MAF: variants seen among roughly 807,000 people sequenced by gnomAD.
MAF encodes the protein MAF bZIP transcription factor, also known as transcription factor Maf.
A neutral mutation model predicts 22.0 loss-of-function variants in MAF; 10 were observed. The ratio of observed to expected loss-of-function variants is 0.45; its 90% CI spans 0.28 to 0.77. The LOEUF is 0.77. MAF is among the 30% of genes least tolerant of loss of function. The pLI is 0.12. For synonymous variants in MAF, 337 were observed against 255.8 expected, an observed-to-expected ratio of 1.32 and a Z score of -3.03; for missense variants, 544 against 548.4, an observed-to-expected ratio of 0.99 and a Z score of 0.08.
chr16:79,478,334 G>A, the MAF span, among the ~76,000 whole-genome samples: 373 of 152,288 alleles, frequency 2.4e-3, 4 homozygotes, highest in South Asian at 0.035. Flanking sequence ...AGATGTGGTA[G>A]AGTCTACAGG....
chr16:79,214,536 G>A, the MAF span, among the ~76,000 whole-genome samples: 1 of 151,794 alleles, frequency 6.6e-6, no homozygotes, highest in East Asian at 1.9e-4. Context: ...CTACCAAATA[G>A]CTGGGATTAC....
the MAF span, among the ~76,000 whole-genome samples, chr16:79,561,960 T>C: frequency 6.6e-6 from 1 of 152,150 alleles, no homozygotes; most frequent in Non-Finnish European, 1.5e-5. Context: ...CAACAGTATC[T>C]CTGGTTCAAC....
At chr16:79,450,216 A>G in the MAF span, among the ~76,000 whole-genome samples, 3 of 152,240 alleles carry the variant, frequency 2.0e-5, no homozygotes, top group Non-Finnish European at 4.4e-5. Flanking sequence ...TTGCATTCTC[A>G]TAGACTTACC....
chr16:79,507,897 T>C, the MAF span, among the ~76,000 whole-genome samples: 3 of 152,312 alleles, frequency 2.0e-5, no homozygotes, highest in Admixed American at 1.3e-4. Flanking sequence ...AAATACCTAA[T>C]TGTTATTACC....
chr16:79,225,167 T>C, the MAF span, among the ~76,000 whole-genome samples: 32 of 152,098 alleles, frequency 2.1e-4, no homozygotes, highest in Non-Finnish European at 1.3e-4. Context: ...AACAGATATA[T>C]AGATTAATGG....
At chr16:79,357,319 G>A in the MAF span, among the ~76,000 whole-genome samples, 210 of 148,012 alleles carry the variant, frequency 1.4e-3, 4 homozygotes, top group Non-Finnish European at 2.1e-4. Context: ...CTGTGGTGGC[G>A]GGCGCCTGTA....
the MAF span, chr16:79,211,868 C>T: frequency 0.051 from 80,610 of 1,596,134 alleles, 2,717 homozygotes; most frequent in African/African-American, 0.16. Flanking sequence ...CAGGGCTGGG[C>T]CCCTTCCAAA....
chr16:79,223,506 T>G, the MAF span, among the ~76,000 whole-genome samples: 1 of 151,964 alleles, frequency 6.6e-6, no homozygotes, highest in African/African-American at 2.4e-5. Flanking sequence ...AAGAAATAAC[T>G]AAGATCAGAG....
the MAF span, among the ~76,000 whole-genome samples, chr16:79,461,808 C>T: frequency 1.3e-5 from 2 of 152,154 alleles, no homozygotes; most frequent in African/African-American, 4.8e-5. Flanking sequence ...AAGCGAGACC[C>T]ATCCTCCTAT....
chr16:79,371,585 G>A, the MAF span, among the ~76,000 whole-genome samples: 192 of 152,178 alleles, frequency 1.3e-3, no homozygotes, highest in African/African-American at 3.6e-3. Context: ...CACACACCAA[G>A]CTCTTTCTTC....
chr16:79,299,347 G>GAAAAAAAAAAAAAAAAAAAA, the MAF span, among the ~76,000 whole-genome samples: 1 of 86,758 alleles, frequency 1.2e-5, no homozygotes, highest in Non-Finnish European at 2.5e-5. Flanking sequence ...CAAAGAAAAA[G>GAAAAAAAAAAAAAAAAAAAA]AAAAAAAAAA....
At chr16:79,556,877 T>A in the MAF span, among the ~76,000 whole-genome samples, 1 of 152,108 alleles carries the variant, frequency 6.6e-6, no homozygotes, top group South Asian at 2.1e-4. Context: ...GAAAAGCTTA[T>A]AATAGTGCTT....
At chr16:79,406,634 C>A in the MAF span, among the ~76,000 whole-genome samples, 3 of 152,156 alleles carry the variant, frequency 2.0e-5, no homozygotes, top group Non-Finnish European at 4.4e-5. Flanking sequence ...AATACCATCA[C>A]ATTGGGGGAT....
the MAF span, among the ~76,000 whole-genome samples, chr16:79,521,207 A>G: frequency 6.6e-6 from 1 of 152,222 alleles, no homozygotes; most frequent in Admixed American, 6.5e-5. Context: ...CCCAAGCTCC[A>G]CAGTACATAC....
chr16:79,276,396 G>C, the MAF span, among the ~76,000 whole-genome samples: 1 of 152,130 alleles, frequency 6.6e-6, no homozygotes, highest in South Asian at 2.1e-4. Flanking sequence ...TTTACCCAGC[G>C]TTCTGTGGCC....
At chr16:79,381,457 G>C in the MAF span, among the ~76,000 whole-genome samples, 2 of 152,202 alleles carry the variant, frequency 1.3e-5, no homozygotes, top group Non-Finnish European at 2.9e-5. Flanking sequence ...ACGAACTCTA[G>C]AGAGAAGCGA....
At chr16:79,416,484 T>C in the MAF span, among the ~76,000 whole-genome samples, 1 of 136,724 alleles carries the variant, frequency 7.3e-6, no homozygotes, top group Non-Finnish European at 1.5e-5. Flanking sequence ...AAGGAAGTGG[T>C]TTATGGTTAA....
chr16:79,558,027 C>T, the MAF span, among the ~76,000 whole-genome samples: 3 of 151,730 alleles, frequency 2.0e-5, no homozygotes, highest in Non-Finnish European at 4.4e-5. Context: ...ACCAGCTTCT[C>T]TCATGCACCT....
At chr16:79,208,193 A>G in the MAF span, among the ~76,000 whole-genome samples, 16 of 152,320 alleles carry the variant, frequency 1.1e-4, no homozygotes, top group South Asian at 4.1e-4. Context: ...CAGCTCACAA[A>G]TGTTTGACTA....
Sources: gnomAD v4.1 joint callset for allele counts (sites outside exome capture counted in the v4.1 genomes callset) on GRCh38, gnomAD v4.1.1 for gene constraint, MANE v1.5 for transcripts, NCBI Gene and HGNC (gene_info 2026-07-23, HGNC 2026-07-21) for gene names.